The following XPO1 variants were observed in gnomAD, a reference collection of about 807,000 sequenced individuals.
The protein encoded by XPO1 is exportin-1.
Under a neutral mutation model 133.3 loss-of-function variants are expected in XPO1, and 5 were observed. That is an observed-to-expected ratio of 0.04 (90% CI 0.02 to 0.08). The LOEUF (loss-of-function observed/expected upper bound fraction) is 0.08. Among genes scored for constraint, XPO1 ranks in the 10% least tolerant of loss-of-function variants. The pLI, the probability that XPO1 is intolerant of heterozygous loss-of-function variation, is 1.00. For synonymous variants in XPO1, 419 were observed against 408.2 expected (o/e 1.03, Z -0.32); for missense variants, 506 against 1,267.5 (o/e 0.40, Z 9.12).
chr2:61,525,922 C>A, intron 3 of XPO1: 1 of 1,050,536 alleles, frequency 9.5e-7, no homozygotes, highest in Non-Finnish European at 1.1e-6. Context: ...ACATTTTGAT[C>A]AACCCTTCTG....
intron 17 of XPO1, among the ~76,000 whole-genome samples, chr2:61,490,234 T>C (rs1573122204): frequency 6.9e-6 from 1 of 145,406 alleles, no homozygotes; most frequent in South Asian, 2.2e-4. Context: ...AGTCTTGCTC[T>C]GTCGTCTCGG....
intron 4 of XPO1, among the ~76,000 whole-genome samples, chr2:61,503,704 G>C (rs1194223406): frequency 6.6e-6 from 1 of 152,156 alleles, no homozygotes. Flanking sequence ...GATTACAGGC[G>C]TGAGCCACTG....
At chr2:61,529,146 C>T (rs930366533) in intron 2 of XPO1, among the ~76,000 whole-genome samples, 1 of 152,038 alleles carries the variant, frequency 6.6e-6, no homozygotes, top group Non-Finnish European at 1.5e-5. Flanking sequence ...GTGATCAAGC[C>T]ATTGTGCTCC....
At chr2:61,529,114 GA>G (rs945364202) in intron 2 of XPO1, among the ~76,000 whole-genome samples, 1 of 152,022 alleles carries the variant, frequency 6.6e-6, no homozygotes, top group Admixed American at 6.6e-5. Context: ...TTGAGCCTGG[GA>G]AGTCAAGGCT....
chr2:61,507,574 A>T (rs1258399548), intron 4 of XPO1, among the ~76,000 whole-genome samples: 1 of 145,934 alleles, frequency 6.9e-6, no homozygotes. Flanking sequence ...CTGTCTCTTT[A>T]AAAAAAAAAA....
chr2:61,525,291 A>T, intron 3 of XPO1: 1 of 985,904 alleles, frequency 1.0e-6, no homozygotes, highest in East Asian at 1.1e-4. Context: ...CTGCCGTCAA[A>T]GCCTAGCTGT....
chr2:61,510,545 T>C (rs1698039200), intron 4 of XPO1, among the ~76,000 whole-genome samples: 1 of 152,194 alleles, frequency 6.6e-6, no homozygotes, highest in African/African-American at 2.4e-5. Context: ...ACATCCGCCA[T>C]TCTTAAATGG....
At chr2:61,482,613 T>A in intron 22 of XPO1, 74 bp from the exon 23 acceptor site, 2 of 93,874 alleles carry the variant, frequency 2.1e-5, no homozygotes. Context: ...TTTTGTTTTG[T>A]TTTTTTTTTT....
Position 61,478,827 on chromosome 2 carries a change from C to T in XPO1, c.3209G>A (p.Cys1070Tyr). ...FNPHEIPEEMCD is the reference protein window; with the variant it reads ...FNPHEIPEEMYD ...ACAGCATGAATTTGGATTTTAATCA[C>T]ACATTTCTTCTGGAATCTCATGTGG... Residue 1070 changes from cysteine (C) to tyrosine (Y), a missense_variant, in exon 25 of 25, where the codon TGT becomes TAT. Physicochemically the swap from Cys to Tyr is radical, Grantham distance 194 (BLOSUM62 -2). Coordinates refer to ENST00000401558, the MANE Select transcript of XPO1 (RefSeq NM_003400.4). 1.2e-6 allele frequency: 2 copies of T among 1,613,056 alleles called. No individual in the cohort carries two copies. The highest frequency in any genetic ancestry group is 1.7e-6 in the Non-Finnish European group (2 of 1,179,740).
chr2:61,506,762 C>G (rs1697839966), intron 4 of XPO1, among the ~76,000 whole-genome samples: 1 of 151,946 alleles, frequency 6.6e-6, no homozygotes, highest in Non-Finnish European at 1.5e-5. Flanking sequence ...CGAAATGTTT[C>G]TAAGTAGCAG....
chr2:61,494,069 A>G lies in XPO1; in HGVS notation c.1070T>C (p.Val357Ala). The G allele has an allele frequency of 1.2e-6, 2 of 1,613,880 alleles. No individual in the cohort carries two copies. Among genetic ancestry groups the G allele is most frequent in the Non-Finnish European group, 1.7e-6 (2 of 1,179,952 alleles). The change falls in exon 12 of 25, where the codon GTA becomes GCA. Residue 357 changes from valine (V) to alanine (A), a missense_variant. By Grantham distance (64) the Val-to-Ala change is moderately conservative (BLOSUM62 0). This residue lies in a region of XPO1 where 134 missense variants were observed against 261.6 expected (regional missense o/e 0.51). Transcript: ENST00000401558. ...LMEALHYMLLVSEVEETEIFK... is the reference protein window; with the variant it reads ...LMEALHYMLLASEVEETEIFK... Reference sequence around the variant, plus strand: ...GATTTCAGTTTCTTCTACTTCAGATACCAACAACATATAATGAAGGGCCTA... The same window carrying G: ...GATTTCAGTTTCTTCTACTTCAGATGCCAACAACATATAATGAAGGGCCTA...
intron 9 of XPO1, among the ~76,000 whole-genome samples, chr2:61,497,861 G>A (rs1262914554): frequency 6.6e-6 from 1 of 152,162 alleles, no homozygotes; most frequent in Non-Finnish European, 1.5e-5. Flanking sequence ...TTATGTCTGA[G>A]AATGTTCTCT....
At chr2:61,482,610 T>C in intron 22 of XPO1, 71 bp from the exon 23 acceptor site, 2 of 1,296,074 alleles carry the variant, frequency 1.5e-6, no homozygotes, top group Non-Finnish European at 2.0e-6. Context: ...TTTTTTTGTT[T>C]TGTTTTTTTT....
rs371318943 is a variant in XPO1, at chr2:61,478,806, C to A, written c.*14G>T. 9 of 1,611,254 alleles carry A rather than the reference C, an allele frequency of 5.6e-6. No homozygotes were observed. Among genetic ancestry groups the A allele is most frequent in the Non-Finnish European group, 7.6e-6 (9 of 1,178,842 alleles). On this transcript the variant is annotated 3_prime_UTR_variant, in exon 25 of 25. Transcript: ENST00000401558. ...AACGAGTTGCAGAGAAAAAAAACAG[C>A]ATGAATTTGGATTTTAATCACACAT... is the stretch of plus-strand genomic sequence containing the variant.
In XPO1 at chr2:61,481,297, C is replaced by T; in HGVS notation, c.2973-16G>A. ...TACTTGAGCACTGCAAATCAAAACA[C>T]AATGATTAAATAATGATTTATTTTT... On this transcript the variant is annotated splice_polypyrimidine_tract_variant and intron_variant, in intron 23 of 24. Coordinates refer to ENST00000401558, the MANE Select transcript of XPO1 (RefSeq NM_003400.4). 3.2e-6 allele frequency: 5 copies of T among 1,581,736 alleles called. No homozygotes were observed. In the East Asian group the frequency reaches 6.7e-5, roughly 21 times the overall value.
intron 12 of XPO1, 42 bp from the exon 13 acceptor site, chr2:61,493,095 T>A: frequency 6.6e-7 from 1 of 1,524,654 alleles, no homozygotes; most frequent in East Asian, 2.3e-5. Context: ...AATCGTTAGA[T>A]CACTGAAATC....
chr2:61,488,577 G>A lies in XPO1; in HGVS notation c.2206+11C>T, dbSNP rs1314386051. ...TTATACTGCATTGTGTAAGAAATCA[G>A]AATCACCTACCATTAGCTTGGATAG... On this transcript the variant is annotated intron_variant, in intron 18 of 24. Coordinates refer to ENST00000401558, the MANE Select transcript of XPO1 (RefSeq NM_003400.4). The A allele has an allele frequency of 6.2e-6, 10 of 1,610,420 alleles. No individual in the cohort carries two copies. The Admixed American group carries it at 1.7e-4, about 27-fold the overall frequency.
intron 4 of XPO1, among the ~76,000 whole-genome samples, chr2:61,516,306 G>GA (rs1402631391): frequency 2.0e-5 from 3 of 146,990 alleles, no homozygotes; most frequent in Admixed American, 2.0e-4. Context: ...ACTCCGCCTC[G>GA]AAAAAACCAA....
chr2:61,514,135 T>C (rs1698235675), intron 4 of XPO1, among the ~76,000 whole-genome samples: 2 of 147,520 alleles, frequency 1.4e-5, no homozygotes, highest in Non-Finnish European at 3.0e-5. Flanking sequence ...TGCAGTGAGC[T>C]GAGATTGTGC....
Sources: allele counts gnomAD v4.1 joint callset (sites outside exome capture counted in the v4.1 genomes callset), GRCh38; gene constraint gnomAD v4.1.1; regional missense constraint gnomAD v4.1.1; transcripts MANE v1.5; gene names NCBI Gene and HGNC (gene_info 2026-07-23, HGNC 2026-07-21).